The following NALF1 variants were observed in gnomAD, a reference collection of about 807,000 sequenced individuals.
The protein encoded by NALF1 is family with sequence similarity 155 member A.
In NALF1, 3 loss-of-function variants were observed where a neutral mutation model predicts 48.4. The observed-to-expected ratio is 0.06, with a 90% CI of 0.03 to 0.16. NALF1 has a LOEUF of 0.16. Among genes scored for constraint, NALF1 ranks in the 10% least tolerant of loss-of-function variants. The pLI is 1.00. For missense variants in NALF1, 526 were observed against 571.5 expected (o/e 0.92, Z 0.81); for synonymous variants, 262 against 245.7 (o/e 1.07, Z -0.62).
intron 1 of NALF1, among the ~76,000 whole-genome samples, chr13:107,754,848 A>G (rs2138555924): frequency 6.6e-6 from 1 of 152,314 alleles, no homozygotes; most frequent in African/African-American, 2.4e-5. Flanking sequence ...ACACTATTAG[A>G]AAGGAGAGAA....
chr13:107,679,266 A>G (rs1268592519), intron 1 of NALF1, among the ~76,000 whole-genome samples: 2 of 152,178 alleles, frequency 1.3e-5, no homozygotes, highest in Admixed American at 6.5e-5. Flanking sequence ...TTCACAAAAC[A>G]TTTTCTTAAG....
chr13:107,603,875 A>G (rs1343498186), intron 1 of NALF1, among the ~76,000 whole-genome samples: 5 of 152,180 alleles, frequency 3.3e-5, no homozygotes, highest in Non-Finnish European at 5.9e-5. Context: ...GCTGTGCATG[A>G]GGAGATTGTT....
intron 1 of NALF1, among the ~76,000 whole-genome samples, chr13:107,564,223 C>G (rs1467987785): frequency 2.0e-5 from 3 of 152,146 alleles, no homozygotes; most frequent in African/African-American, 7.2e-5. Flanking sequence ...TGCAACTGAT[C>G]AATTTCAAGG....
intron 1 of NALF1, among the ~76,000 whole-genome samples, chr13:107,516,985 G>A (rs1876074166): frequency 6.6e-6 from 1 of 152,184 alleles, no homozygotes; most frequent in Non-Finnish European, 1.5e-5. Context: ...GGATGAAGAG[G>A]TAGGATGGTG....
intron 1 of NALF1, among the ~76,000 whole-genome samples, chr13:107,347,220 C>T (rs1882789504): frequency 6.6e-6 from 1 of 152,176 alleles, no homozygotes; most frequent in South Asian, 2.1e-4. Flanking sequence ...AAGTTGATGG[C>T]TTTCTGAGGC....
At chr13:107,764,420 C>A (rs1877365604) in intron 1 of NALF1, among the ~76,000 whole-genome samples, 1 of 151,832 alleles carries the variant, frequency 6.6e-6, no homozygotes, top group Admixed American at 6.6e-5. Context: ...GTATATATAA[C>A]ACTTATACAT....
chr13:107,430,766 A>G (rs371370895), intron 1 of NALF1, among the ~76,000 whole-genome samples: 3 of 152,116 alleles, frequency 2.0e-5, no homozygotes, highest in Admixed American at 6.6e-5. Context: ...ACATACGTGT[A>G]CATGTGTCTT....
At chr13:107,380,292 T>C (rs990448049) in intron 1 of NALF1, among the ~76,000 whole-genome samples, 7 of 152,174 alleles carry the variant, frequency 4.6e-5, no homozygotes, top group African/African-American at 1.4e-4. Context: ...TTCCTTTATA[T>C]TGCGTATTTT....
chr13:107,847,244 C>T (rs1880195836), intron 1 of NALF1, among the ~76,000 whole-genome samples: 1 of 152,134 alleles, frequency 6.6e-6, no homozygotes, highest in Non-Finnish European at 1.5e-5. Flanking sequence ...ATTTATCAAA[C>T]ATTTCTCTTT....
chr13:107,694,800 T>C (rs1226112527), intron 1 of NALF1, among the ~76,000 whole-genome samples: 1 of 151,698 alleles, frequency 6.6e-6, no homozygotes, highest in Non-Finnish European at 1.5e-5. Context: ...GTCAGTTCTT[T>C]TTTTTTTTTT....
chr13:107,711,271 A>G (rs1345631831), intron 1 of NALF1, among the ~76,000 whole-genome samples: 1 of 152,248 alleles, frequency 6.6e-6, no homozygotes, highest in Non-Finnish European at 1.5e-5. Flanking sequence ...AGAAATGGTT[A>G]TGAAATTGAA....
chr13:107,646,291 A>T (rs989184231), intron 1 of NALF1, among the ~76,000 whole-genome samples: 1 of 138,022 alleles, frequency 7.2e-6, no homozygotes, highest in Non-Finnish European at 1.6e-5. Context: ...CCAACTTCTT[A>T]AAAAAAAAAA....
chr13:107,395,594 C>G (rs1417171155), intron 1 of NALF1, among the ~76,000 whole-genome samples: 1 of 152,130 alleles, frequency 6.6e-6, no homozygotes, highest in African/African-American at 2.4e-5. Context: ...GGTTGGACAG[C>G]AAGTTTGCAG....
chr13:107,603,731 T>C (rs1432778931), intron 1 of NALF1, among the ~76,000 whole-genome samples: 1 of 152,214 alleles, frequency 6.6e-6, no homozygotes, highest in African/African-American at 2.4e-5. Context: ...ATGGTATCTG[T>C]GTCTGCTGCT....
intron 1 of NALF1, among the ~76,000 whole-genome samples, chr13:107,529,690 T>C (rs750115651): frequency 6.6e-6 from 1 of 152,136 alleles, no homozygotes; most frequent in African/African-American, 2.4e-5. Context: ...TGTGTGATGA[T>C]TGGAAGATGT....
chr13:107,710,154 G>A lies in NALF1; in HGVS notation c.915+155528C>T, dbSNP rs371193304. 2.7e-5 allele frequency among the ~76,000 whole-genome samples: 4 copies of A among 146,966 alleles called. No homozygotes were observed. In the South Asian group the frequency reaches 6.5e-4, roughly 24 times the overall value. On this transcript the variant is annotated intron_variant, in intron 1 of 2. Transcript: ENST00000375915. ...AAGAAAAGAAAAGAGAAAAAAAGGA[G>A]AAAAGAAAAGAAACAAGAAAAAAAA...
intron 1 of NALF1, among the ~76,000 whole-genome samples, chr13:107,541,843 T>A (rs1353040200): frequency 6.6e-6 from 1 of 152,130 alleles, no homozygotes; most frequent in African/African-American, 2.4e-5. Flanking sequence ...AGATTTTAAG[T>A]ATAGCTCCAA....
intron 1 of NALF1, among the ~76,000 whole-genome samples, chr13:107,255,858 C>A (rs79540051): frequency 6.6e-6 from 1 of 152,010 alleles, no homozygotes; most frequent in Non-Finnish European, 1.5e-5. Context: ...TCTTTATTGT[C>A]TTTTAATAAA....
intron 1 of NALF1, among the ~76,000 whole-genome samples, chr13:107,729,144 T>C (rs948442068): frequency 1.3e-5 from 2 of 152,216 alleles, no homozygotes; most frequent in Admixed American, 1.3e-4. Context: ...TGAATGCATC[T>C]GTTTTTGTAC....
Sources: gnomAD v4.1 joint callset for allele counts (sites outside exome capture counted in the v4.1 genomes callset) on GRCh38, gnomAD v4.1.1 for gene constraint, MANE v1.5 for transcripts, NCBI Gene and HGNC (gene_info 2026-07-23, HGNC 2026-07-21) for gene names.